CNOT2: variants seen among roughly 807,000 people sequenced by gnomAD.
The protein encoded by CNOT2 is CC chemokine receptor 4-negative regulator of transcription 2.
CNOT2 carries 7 observed loss-of-function variants against 72.1 expected under a neutral mutation model. The observed-to-expected ratio is 0.10, with a 90% confidence interval of 0.06 to 0.18. CNOT2 has a LOEUF of 0.18. Among genes scored for constraint, CNOT2 ranks in the 10% least tolerant of loss-of-function variants. CNOT2 has a pLI of 1.00. For synonymous variants in CNOT2, 196 were observed against 225.6 expected (o/e 0.87, Z 1.17); for missense variants, 345 against 660.3 (o/e 0.52, Z 5.23).
At chr12:70,303,724 T>C (rs1027358613) in intron 2 of CNOT2, among the ~76,000 whole-genome samples, 8 of 152,164 alleles carry the variant, frequency 5.3e-5, no homozygotes, top group African/African-American at 1.9e-4. Flanking sequence ...GGAGTATCTT[T>C]GTGGAGTCCT....
At chr12:70,325,182 A>G (rs978811857) in intron 4 of CNOT2, among the ~76,000 whole-genome samples, 1 of 129,386 alleles carries the variant, frequency 7.7e-6, no homozygotes, top group African/African-American at 2.7e-5. Flanking sequence ...ATAGAGAAAG[A>G]AGAAAGAAGA....
chr12:70,294,912 C>T (rs1430818604), intron 2 of CNOT2, among the ~76,000 whole-genome samples: 1 of 152,006 alleles, frequency 6.6e-6, no homozygotes, highest in African/African-American at 2.4e-5. Context: ...GTTTGTTGAA[C>T]GAATGAATAA....
chr12:70,273,323 T>C (rs1444993343), intron 1 of CNOT2, among the ~76,000 whole-genome samples: 2 of 152,118 alleles, frequency 1.3e-5, no homozygotes, highest in African/African-American at 4.8e-5. Context: ...CTTTTTTTTT[T>C]AGTCAACAGC....
intron 3 of CNOT2, among the ~76,000 whole-genome samples, chr12:70,317,454 C>A (rs1387177548): frequency 6.6e-6 from 1 of 151,730 alleles, no homozygotes; most frequent in African/African-American, 2.4e-5. Context: ...TAACAGTAAT[C>A]TATAATACCT....
At position 70,328,016 on chromosome 12, in the gene CNOT2, C is replaced by T. The variant is rs574458787; in HGVS notation, c.239-1407C>T. Among the ~76,000 whole-genome samples, 32 of 151,904 alleles carry T rather than the reference C, an allele frequency of 2.1e-4. No homozygotes were observed. In the South Asian group the frequency reaches 6.2e-3, roughly 30 times the overall value. On this transcript the variant is annotated intron_variant, in intron 4 of 15. Coordinates refer to ENST00000229195, the MANE Select transcript of CNOT2 (RefSeq NM_014515.7). ...GACATTCTCATAGTCACAAAACTTA[C>T]GGTGACTGTAGACATACATAAAAGT...
chr12:70,310,025 G>A (rs7487329), intron 2 of CNOT2, among the ~76,000 whole-genome samples: 23,989 of 151,788 alleles, frequency 0.16, 2,171 homozygotes, highest in Admixed American at 0.28. Context: ...TATTCCCTGA[G>A]CAATACAGTG....
intron 6 of CNOT2, chr12:70,331,383 C>G (rs1879915698): frequency 1.3e-5 from 2 of 151,838 alleles, no homozygotes; most frequent in African/African-American, 4.8e-5. Flanking sequence ...GAAGGGTTAT[C>G]AAAATTCTCA....
chr12:70,245,240 C>A (rs1250569522), intron 1 of CNOT2, among the ~76,000 whole-genome samples: 1 of 151,784 alleles, frequency 6.6e-6, no homozygotes, highest in Admixed American at 6.6e-5. Flanking sequence ...AATGTTAAAT[C>A]TAAAGAAAAA....
At chr12:70,304,837 T>C (rs1359585767) in intron 2 of CNOT2, among the ~76,000 whole-genome samples, 4 of 152,220 alleles carry the variant, frequency 2.6e-5, no homozygotes, top group Admixed American at 1.3e-4. Flanking sequence ...TCGAGCTTCC[T>C]GGCTGCTTTG....
chr12:70,345,967 A>G (rs1433440298), intron 14 of CNOT2: 1 of 444,550 alleles, frequency 2.2e-6, no homozygotes, highest in African/African-American at 2.0e-5. Flanking sequence ...TGTGTGTATT[A>G]ATTAGTGTGC....
intron 2 of CNOT2, among the ~76,000 whole-genome samples, chr12:70,284,258 T>C (rs993181648): frequency 4.6e-5 from 7 of 151,164 alleles, no homozygotes; most frequent in Non-Finnish European, 1.0e-4. Context: ...TTTTTTTTTC[T>C]TTTTGAGACA....
At chr12:70,249,878 G>T (rs1958053858) in intron 1 of CNOT2, among the ~76,000 whole-genome samples, 1 of 152,048 alleles carries the variant, frequency 6.6e-6, no homozygotes, top group African/African-American at 2.4e-5. Context: ...ATGCCGAACA[G>T]ATTACTGCAC....
chr12:70,351,973 G>C (rs1234118383), intron 15 of CNOT2, among the ~76,000 whole-genome samples: 1 of 152,018 alleles, frequency 6.6e-6, no homozygotes, highest in Non-Finnish European at 1.5e-5. Context: ...TCACATGAAG[G>C]CAACCTTTTC....
chr12:70,263,566 A>C (rs1430808038), intron 1 of CNOT2, among the ~76,000 whole-genome samples: 1 of 152,028 alleles, frequency 6.6e-6, no homozygotes, highest in East Asian at 1.9e-4. Context: ...TCTCTTTCTT[A>C]AAGATAAGAC....
chr12:70,262,091 C>CT (rs961988695), intron 1 of CNOT2, among the ~76,000 whole-genome samples: 3 of 150,748 alleles, frequency 2.0e-5, no homozygotes, highest in Non-Finnish European at 1.5e-5. Context: ...TTTGAGTTTT[C>CT]TTTTTTTTTC....
chr12:70,310,660 A>G (rs1408268647), intron 2 of CNOT2, among the ~76,000 whole-genome samples: 1 of 152,088 alleles, frequency 6.6e-6, no homozygotes, highest in African/African-American at 2.4e-5. Flanking sequence ...AGGAAATGGA[A>G]TTGTTAAGAT....
intron 2 of CNOT2, among the ~76,000 whole-genome samples, chr12:70,298,877 A>C (rs1020056171): frequency 7.9e-5 from 12 of 152,260 alleles, no homozygotes; most frequent in Non-Finnish European, 1.3e-4. Context: ...TTTTATCAGA[A>C]AGTCCATGAA....
intron 8 of CNOT2, 90 bp from the exon 9 acceptor site, chr12:70,337,299 T>G (rs1880837493): frequency 2.9e-6 from 3 of 1,048,788 alleles, no homozygotes; most frequent in Admixed American, 4.2e-5. Flanking sequence ...AACCTTTTGG[T>G]GTATTATCAT....
chr12:70,278,246 A>G lies in CNOT2; in HGVS notation c.20A>G (p.His7Arg), dbSNP rs1451176393. The change falls in exon 2 of 16, where the codon CAT becomes CGT. Residue 7 changes from histidine to arginine, a missense_variant. Physicochemically the swap from His to Arg is conservative, Grantham distance 29. Around this residue, in one of 4 missense-constraint regions of CNOT2, gnomAD observed 157 missense variants for 235.3 expected, o/e 0.67. Coordinates refer to ENST00000229195, the MANE Select transcript of CNOT2 (RefSeq NM_014515.7). MVRTDG[H>R]TLSEKRNYQV... ...GACTCTATGGTGAGGACTGATGGAC[A>G]TACATTATCTGAGAAAAGAAACTAC... 3.1e-6 allele frequency: 5 copies of G among 1,612,092 alleles called. No individual in the cohort carries two copies. The highest frequency in any genetic ancestry group is 1.7e-5 in the Admixed American group (1 of 59,992).
Sources: allele counts gnomAD v4.1 joint callset (sites outside exome capture counted in the v4.1 genomes callset), GRCh38; gene constraint gnomAD v4.1.1; regional missense constraint gnomAD v4.1.1; transcripts MANE v1.5; gene names NCBI Gene and HGNC (gene_info 2026-07-23, HGNC 2026-07-21).